SRSF7: variants seen among roughly 807,000 people sequenced by gnomAD.
SRSF7 encodes serine and arginine rich splicing factor 7, also known as serine/arginine-rich splicing factor 7.
SRSF7 carries 15 observed loss-of-function variants against 42.2 expected under a neutral mutation model. The observed-to-expected ratio is 0.36, with a 90% CI of 0.24 to 0.55. SRSF7 has a LOEUF of 0.55. Among genes scored for constraint, SRSF7 ranks in the 20% least tolerant of loss-of-function variants. SRSF7 has a pLI of 0.88. For synonymous variants in SRSF7, 138 were observed against 107.9 expected (o/e 1.28, Z -1.73); for missense variants, 181 against 305.9 (o/e 0.59, Z 3.04).
In SRSF7 at chr2:38,743,863, A is replaced by C; in HGVS notation, c.*1270T>G. The C allele has an allele frequency of 6.6e-6, 1 of 152,200 alleles. No homozygotes were observed. Among genetic ancestry groups the C allele is most frequent in the African/African-American group, 2.4e-5 (1 of 41,366 alleles). The allele number at this position is 152,200 out of a possible 1,614,324, so 9.4% of individuals were successfully genotyped here. On this transcript the variant is annotated 3_prime_UTR_variant, in exon 8 of 8. Transcript: ENST00000313117. ...TCCAATGACTTTGCTGAAATGCATA[A>C]AATGGACAAGCCTAGGTATCTGCGC... is the stretch of plus-strand genomic sequence containing the variant.
Position 38,744,334 on chromosome 2 carries a change from A to C in SRSF7, c.*799T>G. On this transcript the variant is annotated 3_prime_UTR_variant, in exon 8 of 8. Transcript: ENST00000313117. ...AAGGTGTTTTGTCCCAATTTCAGACAATTCCTCAAACATGCATTTTTTGGT... is the reference window on the plus strand; with the variant it reads ...AAGGTGTTTTGTCCCAATTTCAGACCATTCCTCAAACATGCATTTTTTGGT... The C allele has an allele frequency of 6.6e-6, 1 of 152,602 alleles. No homozygotes were observed. The highest frequency in any genetic ancestry group is 2.4e-5 in the African/African-American group (1 of 41,440). 9.5% of individuals were successfully genotyped at this position (152,602 alleles called of 1,614,324 possible).
At position 38,748,148 on chromosome 2, in the gene SRSF7, T is replaced by C; in HGVS notation, c.471A>G (p.Ser157=). 2 of 1,611,264 alleles carry C rather than the reference T, an allele frequency of 1.2e-6. No individual in the cohort carries two copies. The highest frequency in any genetic ancestry group is 8.5e-7 in the Non-Finnish European group (1 of 1,178,848). The change falls in exon 5 of 8, where the codon TCA becomes TCG. Residue 157 remains serine, a synonymous_variant. Coordinates refer to ENST00000313117, the MANE Select transcript of SRSF7 (RefSeq NM_001031684.3). ...RSRSRGRRSR[S]ASPRRSRSIS... is the part of the protein sequence containing the mutation. Reference sequence around the variant, plus strand: ...TAGATCTTGATCGTCGAGGAGATGCTGACCTTGACCTAAAATAAAGAACTT... The same window carrying C: ...TAGATCTTGATCGTCGAGGAGATGCCGACCTTGACCTAAAATAAAGAACTT...
At chr2:38,749,048 T>A in intron 3 of SRSF7, 2 of 1,306,226 alleles carry the variant, frequency 1.5e-6, no homozygotes, top group Non-Finnish European at 2.0e-6. Flanking sequence ...GAGGCTTGAT[T>A]GACGCAAGAA....
At position 38,751,281 on chromosome 2, in the gene SRSF7, C is replaced by G; in HGVS notation, c.-25G>C. 6.2e-7 allele frequency: 1 copy of G among 1,614,012 alleles called. No homozygotes were observed. The highest frequency in any genetic ancestry group is 8.5e-7 in the Non-Finnish European group (1 of 1,179,884). ...TGATGACAGACCCGCGTGCTCGGCT[C>G]TTTAGCAAGCAGCGCCCAGGGCTCG... On this transcript the variant is annotated 5_prime_UTR_variant, in exon 1 of 8. Coordinates refer to ENST00000313117, the MANE Select transcript of SRSF7 (RefSeq NM_001031684.3).
chr2:38,746,717 C>CCTGGAT lies in SRSF7; in HGVS notation c.597_602dup (p.Arg201_Ser202dup). On this transcript the variant is annotated inframe_insertion, in exon 6 of 8. Coordinates refer to ENST00000313117, the MANE Select transcript of SRSF7 (RefSeq NM_001031684.3). ...ACCTGCTTCTTGGTCGTGAAATAGA[C>CCTGGAT]CTGGATCTTGATCTTGACCTCGACG... The CCTGGAT allele has an allele frequency of 6.2e-7, 1 of 1,613,606 alleles. No homozygotes were observed. The highest frequency in any genetic ancestry group is 8.5e-7 in the Non-Finnish European group (1 of 1,179,888).
chr2:38,748,555 G>A (rs770743837), intron 4 of SRSF7, 24 bp downstream of exon 4: 4 of 1,607,256 alleles, frequency 2.5e-6, no homozygotes, highest in East Asian at 2.2e-5. Context: ...AATACAGAAA[G>A]ACTTCAGTTA....
At chr2:38,747,132 T>G (rs1224199346) in intron 5 of SRSF7, 1 of 475,308 alleles carries the variant, frequency 2.1e-6, no homozygotes, top group Non-Finnish European at 4.3e-6. Context: ...CTCAGGAGGC[T>G]AAGGCAGGAT....
upstream of SRSF7, chr2:38,751,368 G>A (rs974119810): frequency 1.1e-5 from 16 of 1,476,262 alleles, no homozygotes; most frequent in African/African-American, 2.8e-5. Flanking sequence ...CTACGAGGAA[G>A]AGCCCGGGTT....
At chr2:38,748,800 A>ATTT in intron 3 of SRSF7, 147 bp from the exon 4 acceptor site, 3 of 999,852 alleles carry the variant, frequency 3.0e-6, no homozygotes, top group Non-Finnish European at 4.1e-6. Context: ...GTTGTTGAGT[A>ATTT]TTTTTTTTTT....
At chr2:38,745,800 A>C (rs1667296251) in intron 7 of SRSF7, among the ~76,000 whole-genome samples, 1 of 152,200 alleles carries the variant, frequency 6.6e-6, no homozygotes, top group South Asian at 2.1e-4. Flanking sequence ...GGTCATAAAG[A>C]AGCACTAGGC....
At chr2:38,748,190 GTT>G (rs374060715) in intron 4 of SRSF7, 33 bp from the exon 5 acceptor site, 1,874 of 1,286,444 alleles carry the variant, frequency 1.5e-3, no homozygotes, top group South Asian at 1.8e-3. Flanking sequence ...CATCTCCACA[GTT>G]TTTTTTTTTT....
At position 38,746,973 on chromosome 2, in the gene SRSF7, A is replaced by C. The variant is rs150406089; in HGVS notation, c.573-226T>G. ...TCACTCAATTGGTTAGTTTCTGTACAGGTATAACATTCTCAAACACTGTGT... is the reference window on the plus strand; with the variant it reads ...TCACTCAATTGGTTAGTTTCTGTACCGGTATAACATTCTCAAACACTGTGT... On this transcript the variant is annotated intron_variant, in intron 5 of 7. Coordinates refer to ENST00000313117, the MANE Select transcript of SRSF7 (RefSeq NM_001031684.3). 1.6e-5 allele frequency: 11 copies of C among 706,362 alleles called. No homozygotes were observed. The Admixed American group carries it at 1.9e-4, about 12-fold the overall frequency. The allele number at this position is 706,362 out of a possible 1,614,324, so 43.8% of individuals were successfully genotyped here. A position where few individuals can be genotyped will look rare whatever the true frequency, so the allele number is the denominator to read the frequency against.
intron 5 of SRSF7, 144 bp from the exon 6 acceptor site, chr2:38,746,891 C>T (rs375769286): frequency 5.1e-6 from 7 of 1,365,918 alleles, no homozygotes; most frequent in African/African-American, 2.9e-5. Context: ...GTCTAACACA[C>T]TGTCAAACAA....
chr2:38,751,364 G>T (rs546072112), upstream of SRSF7: 2 of 1,489,184 alleles, frequency 1.3e-6, no homozygotes, highest in Non-Finnish European at 1.9e-6. Context: ...GGCACTACGA[G>T]GAAGAGCCCG....
At chr2:38,748,831 G>C in intron 3 of SRSF7, 178 bp from the exon 4 acceptor site, 2 of 1,287,502 alleles carry the variant, frequency 1.6e-6, no homozygotes, top group Non-Finnish European at 2.1e-6. Flanking sequence ...AAAAAGATTT[G>C]TTAAAAGCTG....
intron 5 of SRSF7, 94 bp downstream of exon 5, chr2:38,747,953 C>A: frequency 1.2e-6 from 1 of 830,350 alleles, no homozygotes; most frequent in Non-Finnish European, 1.9e-6. Flanking sequence ...TCAAATATTC[C>A]CTGAAGCAAT....
At chr2:38,751,493 C>T (rs80230758), upstream of SRSF7, 3 of 568,232 alleles carry the variant, frequency 5.3e-6, no homozygotes, top group African/African-American at 5.7e-5. Flanking sequence ...ACTGAAGAGA[C>T]TAACACGCGG....
intron 2 of SRSF7, 50 bp from the exon 3 acceptor site, chr2:38,749,755 C>A (rs953176511): frequency 6.8e-7 from 1 of 1,468,768 alleles, no homozygotes; most frequent in African/African-American, 1.4e-5. Context: ...ATATTCAGGA[C>A]TTATAGATTT....
intron 6 of SRSF7, 99 bp downstream of exon 6, chr2:38,746,595 T>C: frequency 6.4e-7 from 1 of 1,555,612 alleles, no homozygotes. Context: ...AACCTAAGTT[T>C]AGAGTTAACA....
Sources: gnomAD v4.1 joint callset for allele counts (sites outside exome capture counted in the v4.1 genomes callset) on GRCh38, gnomAD v4.1.1 for gene constraint, MANE v1.5 for transcripts, NCBI Gene and HGNC (gene_info 2026-07-23, HGNC 2026-07-21) for gene names.